The following DLGAP1 variants were observed in gnomAD, a reference collection of about 807,000 sequenced individuals.
DLGAP1 encodes the protein DLG associated protein 1, also known as disks large-associated protein 1.
In DLGAP1, 11 loss-of-function variants were observed where a neutral mutation model predicts 90.8. The observed-to-expected ratio is 0.12, with a 90% confidence interval of 0.08 to 0.20. DLGAP1 has a LOEUF of 0.20. Ranked by LOEUF, DLGAP1 falls within the 10% of genes least tolerant of loss-of-function variation. DLGAP1 has a pLI of 1.00. For synonymous variants in DLGAP1, 558 were observed against 540.7 expected (o/e 1.03, Z -0.44); for missense variants, 1,050 against 1,333.8 (o/e 0.79, Z 3.31).
At chr18:4,017,162 G>A (rs1035859735) in intron 2 of DLGAP1, among the ~76,000 whole-genome samples, 1 of 152,164 alleles carries the variant, frequency 6.6e-6, no homozygotes, top group Non-Finnish European at 1.5e-5. Flanking sequence ...ATTAAAAGCA[G>A]GCCTGTGCAG....
intron 1 of DLGAP1, among the ~76,000 whole-genome samples, chr18:4,440,817 C>T (rs777131427): frequency 1.3e-5 from 2 of 152,194 alleles, no homozygotes; most frequent in Non-Finnish European, 2.9e-5. Flanking sequence ...GGCAGGGATG[C>T]TTACATATTT....
intron 5 of DLGAP1, among the ~76,000 whole-genome samples, chr18:3,767,726 T>C (rs2064318070): frequency 6.6e-6 from 1 of 152,086 alleles, no homozygotes; most frequent in South Asian, 2.1e-4. Context: ...TCAACTCTCA[T>C]TCATGATAAA....
intron 2 of DLGAP1, among the ~76,000 whole-genome samples, chr18:4,079,900 G>T (rs1000914104): frequency 6.6e-6 from 1 of 152,044 alleles, no homozygotes; most frequent in African/African-American, 2.4e-5. Context: ...GAAGCAGAAA[G>T]CAAGCTCTTC....
intron 7 of DLGAP1, chr18:3,722,167 G>A (rs778076113): frequency 6.6e-6 from 1 of 152,146 alleles, no homozygotes; most frequent in Non-Finnish European, 1.5e-5. Flanking sequence ...CAATAACCCC[G>A]AATGTGGGCA....
intron 1 of DLGAP1, among the ~76,000 whole-genome samples, chr18:4,403,505 A>G (rs1170490547): frequency 6.6e-6 from 1 of 152,218 alleles, no homozygotes; most frequent in Non-Finnish European, 1.5e-5. Flanking sequence ...TTTTTAAATG[A>G]TAGGCAATAT....
At chr18:4,382,297 G>T (rs978394528) in intron 1 of DLGAP1, among the ~76,000 whole-genome samples, 1 of 152,120 alleles carries the variant, frequency 6.6e-6, no homozygotes, top group Admixed American at 6.6e-5. Context: ...GAGGATAATT[G>T]TAAGAGTTAC....
At chr18:3,713,715 G>C (rs1421596469) in intron 7 of DLGAP1, among the ~76,000 whole-genome samples, 1 of 152,082 alleles carries the variant, frequency 6.6e-6, no homozygotes, top group Non-Finnish European at 1.5e-5. Context: ...TCCTTCCTCT[G>C]ATATGAAGCG....
At position 3,530,907 on chromosome 18, in the gene DLGAP1, C is replaced by T. The variant is rs536636886; in HGVS notation, c.2479+3287G>A. On this transcript the variant is annotated intron_variant, in intron 10 of 12. Coordinates refer to ENST00000315677, the MANE Select transcript of DLGAP1 (RefSeq NM_004746.4). The stretch of plus-strand genomic sequence containing the variant: ...TTCCTAACTTGCCCATAAAGGCAAG[C>T]GATAAGCTAGTCAGTCATTTGACAG... 5.9e-5 allele frequency among the ~76,000 whole-genome samples: 9 copies of T among 152,130 alleles called. 1 individual carries two copies. The highest frequency in any genetic ancestry group is 1.3e-4 in the Non-Finnish European group (9 of 68,030).
intron 1 of DLGAP1, among the ~76,000 whole-genome samples, chr18:4,393,203 A>C (rs768934197): frequency 2.0e-5 from 3 of 152,202 alleles, no homozygotes; most frequent in African/African-American, 4.8e-5. Flanking sequence ...ATAAAATAAA[A>C]CACTTAATAT....
chr18:4,293,462 C>T (rs1364013629), intron 1 of DLGAP1: 2 of 152,156 alleles, frequency 1.3e-5, no homozygotes, highest in Non-Finnish European at 2.9e-5. Flanking sequence ...AAACTGCACT[C>T]CAAAACAATA....
At chr18:4,292,584 C>G (rs1358775555) in intron 1 of DLGAP1, among the ~76,000 whole-genome samples, 1 of 152,036 alleles carries the variant, frequency 6.6e-6, no homozygotes, top group African/African-American at 2.4e-5. Context: ...AGAAAATTAT[C>G]TATTACAAAG....
chr18:4,030,981 T>A (rs2074787031), intron 2 of DLGAP1, among the ~76,000 whole-genome samples: 1 of 152,084 alleles, frequency 6.6e-6, no homozygotes, highest in African/African-American at 2.4e-5. Flanking sequence ...AGCTGTTCTA[T>A]CCAGCCCATC....
rs577845518 is a variant in DLGAP1, at chr18:4,261,032, G to A, written c.-266-109745C>T. ...ATGAGAGTGTGTAAAGGACAAACAC[G>A]AATCTTTTCATGCCCTGATTCTGTC... On this transcript the variant is annotated intron_variant, in intron 1 of 12. Coordinates refer to ENST00000315677, the MANE Select transcript of DLGAP1 (RefSeq NM_004746.4). Among the ~76,000 whole-genome samples, 9 of 152,262 alleles carry A rather than the reference G, an allele frequency of 5.9e-5. No individual in the cohort carries two copies. The South Asian group carries it at 1.2e-3, about 21-fold the overall frequency.
intron 3 of DLGAP1, among the ~76,000 whole-genome samples, chr18:3,965,623 G>A (rs1225876695): frequency 6.6e-6 from 1 of 152,082 alleles, no homozygotes; most frequent in Admixed American, 6.6e-5. Flanking sequence ...GCTTGTGTGT[G>A]TGTCTACTAC....
chr18:3,825,474 G>C (rs1369275394), intron 4 of DLGAP1, among the ~76,000 whole-genome samples: 1 of 152,128 alleles, frequency 6.6e-6, no homozygotes, highest in Non-Finnish European at 1.5e-5. Flanking sequence ...TACATTCCTT[G>C]TAATACCAAA....
Position 3,985,946 on chromosome 18 carries a change from A to T in DLGAP1, c.-73+19170T>A, listed in dbSNP as rs543728869. Among the ~76,000 whole-genome samples the T allele has an allele frequency of 1.3e-4, 20 of 152,320 alleles. 1 individual carries two copies. In the South Asian group the frequency reaches 3.9e-3, roughly 30 times the overall value. ...CAAAAGAGATACAGATCTGCCTTTG[A>T]CATGGGGAATCTAAACTCCATGATG... is the stretch of plus-strand genomic sequence containing the variant. On this transcript the variant is annotated intron_variant, in intron 3 of 12. Transcript: ENST00000315677.
intron 1 of DLGAP1, among the ~76,000 whole-genome samples, chr18:4,446,673 A>G (rs1203566820): frequency 2.0e-5 from 3 of 152,202 alleles, no homozygotes; most frequent in East Asian, 3.8e-4. Flanking sequence ...TTGGTACCAT[A>G]AAGAGAATTT....
chr18:3,561,886 C>T (rs1323752720), intron 9 of DLGAP1, among the ~76,000 whole-genome samples: 4 of 150,694 alleles, frequency 2.7e-5, no homozygotes, highest in East Asian at 3.8e-4. Context: ...TGGGGAGGCC[C>T]CACAATCATG....
At chr18:3,721,684 AG>A (rs927876180) in intron 7 of DLGAP1, 7 of 152,192 alleles carry the variant, frequency 4.6e-5, no homozygotes, top group Admixed American at 4.6e-4. Context: ...GCGAGAGGAA[AG>A]AATGAAAGAA....
Sources: allele counts gnomAD v4.1 joint callset (sites outside exome capture counted in the v4.1 genomes callset), GRCh38; gene constraint gnomAD v4.1.1; transcripts MANE v1.5; gene names NCBI Gene and HGNC (gene_info 2026-07-23, HGNC 2026-07-21).